Variants in ZZEF1 observed in about 807,000 individuals in gnomAD.
The protein encoded by ZZEF1 is zinc finger ZZ-type and EF-hand domain-containing protein 1.
In ZZEF1, 157 loss-of-function variants were observed where a neutral mutation model predicts 342.8. That is an observed-to-expected ratio of 0.46 (90% CI 0.40 to 0.52). The LOEUF is 0.52. Among genes scored for constraint, ZZEF1 ranks in the 20% least tolerant of loss-of-function variants. The pLI is 0.00. For synonymous variants in ZZEF1, 1,505 were observed against 1,429.1 expected (o/e 1.05, Z -1.20); for missense variants, 3,480 against 3,725.6 (o/e 0.93, Z 1.72).
chr17:4,050,431 G>A (rs1324886533), intron 36 of ZZEF1, among the ~76,000 whole-genome samples: 2 of 152,186 alleles, frequency 1.3e-5, no homozygotes, highest in African/African-American at 4.8e-5. Flanking sequence ...ATACACTTGT[G>A]TGGAAGCAGA....
At position 4,032,120 on chromosome 17, in the gene ZZEF1, T is replaced by C; in HGVS notation, c.6892+6A>G. ...ATTCTTAGAAAAAAATAATTACGCA[T>C]GGTACCTGTTTTCCTCTTCCGAGTT... On this transcript the variant is annotated splice_donor_region_variant and intron_variant, in intron 42 of 54. Transcript: ENST00000381638. 6.2e-7 allele frequency: 1 copy of C among 1,607,166 alleles called. No homozygotes were observed. Among genetic ancestry groups the C allele is most frequent in the Non-Finnish European group, 8.5e-7 (1 of 1,178,150 alleles).
intron 17 of ZZEF1, among the ~76,000 whole-genome samples, 165 bp from the exon 18 acceptor site, chr17:4,081,655 C>T (rs199942124): frequency 1.3e-5 from 2 of 152,168 alleles, no homozygotes; most frequent in African/African-American, 2.4e-5. Context: ...GGGGCTGTGC[C>T]GCTGTCTGTC....
intron 30 of ZZEF1, among the ~76,000 whole-genome samples, chr17:4,060,281 T>C (rs775166750): frequency 1.3e-5 from 2 of 152,136 alleles, no homozygotes; most frequent in Admixed American, 6.5e-5. Context: ...AACCTTCCCA[T>C]AGGCCAGGCA....
At chr17:4,027,594 C>CTTTTTTT (rs35210596) in intron 42 of ZZEF1, among the ~76,000 whole-genome samples, 3 of 119,712 alleles carry the variant, frequency 2.5e-5, no homozygotes, top group African/African-American at 1.0e-4. Context: ...TGTGCCCTGC[C>CTTTTTTT]TTTTTTTTTT....
intron 1 of ZZEF1, among the ~76,000 whole-genome samples, chr17:4,142,325 G>A (rs2145641845): frequency 6.6e-6 from 1 of 152,296 alleles, no homozygotes; most frequent in East Asian, 1.9e-4. Flanking sequence ...AGAGACATAT[G>A]GGCTTGTCCA....
intron 4 of ZZEF1, among the ~76,000 whole-genome samples, 164 bp downstream of exon 4, chr17:4,114,135 A>G (rs952472123): frequency 3.3e-5 from 5 of 152,212 alleles, no homozygotes; most frequent in African/African-American, 1.2e-4. Context: ...ATATCAGGGA[A>G]ATTATCTGTT....
In ZZEF1 at chr17:4,019,741, A is replaced by C; in HGVS notation, c.7433T>G (p.Leu2478Arg). 4.3e-6 allele frequency: 7 copies of C among 1,611,904 alleles called. No individual in the cohort carries two copies. The highest frequency in any genetic ancestry group is 5.9e-6 in the Non-Finnish European group (7 of 1,179,410). The change falls in exon 46 of 55, where the codon CTG becomes CGG. Residue 2478 changes from leucine (L) to arginine (R), a missense_variant. Coordinates refer to ENST00000381638, the MANE Select transcript of ZZEF1 (RefSeq NM_015113.4). ...TTCGTATATGGCCCGGAGAATGTGC[A>C]GAGGGGCATTGAGGGCATCATGAGC... ...LMAHDALNAP[L>R]HILRAIYELQ...
Position 4,074,282 on chromosome 17 carries a change from C to T in ZZEF1, c.3553G>A (p.Gly1185Ser). The change falls in exon 24 of 55, where the codon GGC (glycine) becomes AGC (serine). Residue 1185 changes from glycine (G) to serine (S), a missense_variant. By Grantham distance (56) the Gly-to-Ser change is moderately conservative (BLOSUM62 0). This residue lies in a region of ZZEF1 where 1,528 missense variants were observed against 1,624.1 expected (regional missense o/e 0.94). Coordinates refer to ENST00000381638, the MANE Select transcript of ZZEF1 (RefSeq NM_015113.4). Reference sequence around the variant, plus strand: ...CAGGCAGTGACAGTGAATTTGTAGCCCCATTCGTTGTGACTGCTGTCAGAG... The same window carrying T: ...CAGGCAGTGACAGTGAATTTGTAGCTCCATTCGTTGTGACTGCTGTCAGAG... The part of the protein sequence containing the change: ...FHSDSSHNEW[G>S]YKFTVTACGL... 6.2e-7 allele frequency: 1 copy of T among 1,614,154 alleles called. No homozygotes were observed. Among genetic ancestry groups the T allele is most frequent in the Non-Finnish European group, 8.5e-7 (1 of 1,180,046 alleles).
intron 21 of ZZEF1, 108 bp from the exon 22 acceptor site, chr17:4,075,537 C>A: frequency 2.3e-6 from 3 of 1,293,116 alleles, no homozygotes; most frequent in Non-Finnish European, 3.2e-6. Flanking sequence ...GCCTTGACAG[C>A]CCTGCACAAA....
intron 46 of ZZEF1, 129 bp from the exon 47 acceptor site, chr17:4,018,100 G>A (rs192985929): frequency 1.2e-5 from 15 of 1,244,230 alleles, no homozygotes; most frequent in Non-Finnish European, 1.4e-5. Flanking sequence ...ATCATATTCC[G>A]TGTTTTGCCA....
chr17:4,035,247 C>G (rs1315482065), intron 39 of ZZEF1, among the ~76,000 whole-genome samples: 6 of 152,106 alleles, frequency 3.9e-5, no homozygotes, highest in Non-Finnish European at 7.4e-5. Flanking sequence ...CCGAAGAAAG[C>G]TTTTACAATG....
intron 24 of ZZEF1, 86 bp downstream of exon 24, chr17:4,074,064 C>T (rs928412112): frequency 4.3e-5 from 63 of 1,462,032 alleles, no homozygotes; most frequent in African/African-American, 5.6e-5. Context: ...CCTGCCATTA[C>T]GTGGAAACGA....
chr17:4,046,990 C>T (rs2056929939), intron 37 of ZZEF1, among the ~76,000 whole-genome samples: 1 of 152,154 alleles, frequency 6.6e-6, no homozygotes, highest in South Asian at 2.1e-4. Context: ...TCCTTATGGC[C>T]ACTGTAGTGG....
intron 37 of ZZEF1, among the ~76,000 whole-genome samples, chr17:4,048,290 C>CA (rs2056969170): frequency 6.6e-6 from 1 of 152,306 alleles, no homozygotes; most frequent in Non-Finnish European, 1.5e-5. Context: ...TACTGACTCT[C>CA]TGGCTGAATG....
chr17:4,138,982 G>T (rs2058797960), intron 1 of ZZEF1, among the ~76,000 whole-genome samples: 1 of 149,396 alleles, frequency 6.7e-6, no homozygotes, highest in Non-Finnish European at 1.5e-5. Flanking sequence ...CCAACTCCAA[G>T]AACTTCTTTA....
intron 18 of ZZEF1, among the ~76,000 whole-genome samples, chr17:4,078,590 G>C (rs1483700413): frequency 6.6e-6 from 1 of 152,344 alleles, no homozygotes; most frequent in East Asian, 1.9e-4. Flanking sequence ...CACAAGCTTC[G>C]GGATGATGGT....
intron 29 of ZZEF1, among the ~76,000 whole-genome samples, 190 bp downstream of exon 29, chr17:4,064,171 G>A (rs560625032): frequency 1.8e-4 from 27 of 150,554 alleles, no homozygotes; most frequent in African/African-American, 4.9e-4. Flanking sequence ...ATGAATCACC[G>A]TGCCCACCCA....
At chr17:4,020,753 T>G (rs978591610) in intron 45 of ZZEF1, among the ~76,000 whole-genome samples, 5 of 152,198 alleles carry the variant, frequency 3.3e-5, no homozygotes, top group African/African-American at 1.2e-4. Flanking sequence ...ATAGATTACC[T>G]AGTAAAGGTA....
intron 1 of ZZEF1, among the ~76,000 whole-genome samples, chr17:4,128,271 C>T (rs1167975847): frequency 6.9e-6 from 1 of 144,394 alleles, no homozygotes; most frequent in Non-Finnish European, 1.5e-5. Context: ...TCGCTTGAAG[C>T]CAGGAGGCAG....
Sources: gnomAD v4.1 joint callset for allele counts (sites outside exome capture counted in the v4.1 genomes callset) on GRCh38, gnomAD v4.1.1 for gene constraint, gnomAD v4.1.1 regional missense constraint, MANE v1.5 for transcripts, NCBI Gene and HGNC (gene_info 2026-07-23, HGNC 2026-07-21) for gene names.